Variants in DENND2A observed in about 807,000 individuals in gnomAD.
DENND2A encodes the protein DENN domain containing 2A, also known as DENN domain-containing protein 2A.
In DENND2A, 53 loss-of-function variants were observed where a neutral mutation model predicts 105.3. The observed-to-expected ratio is 0.50, with a 90% CI of 0.40 to 0.63. The LOEUF is 0.63. Ranked by LOEUF, DENND2A falls within the 30% of genes least tolerant of loss-of-function variation. The pLI, the probability that DENND2A is intolerant of heterozygous loss-of-function variation, is 0.00. For missense variants in DENND2A, 1,138 were observed against 1,279.6 expected, an observed-to-expected ratio of 0.89 and a Z score of 1.69; for synonymous variants, 522 against 508.4, an observed-to-expected ratio of 1.03 and a Z score of -0.36.
Position 140,518,435 on chromosome 7 carries a change from T to A in DENND2A, c.*272A>T. ...AAAACCCACACATTTTTCTTACTTT[T>A]AATATCTAAGATAAAAAAAAAAACC... On this transcript the variant is annotated 3_prime_UTR_variant, in exon 20 of 20. Coordinates refer to ENST00000496613, the MANE Select transcript of DENND2A (RefSeq NM_015689.5). 2.6e-6 allele frequency: 1 copy of A among 383,770 alleles called. No individual in the cohort carries two copies. The highest frequency in any genetic ancestry group is 4.6e-6 in the Non-Finnish European group (1 of 216,590). The allele number at this position is 383,770 out of a possible 1,614,324, so 23.8% of individuals were successfully genotyped here. A position where few individuals can be genotyped will look rare whatever the true frequency, so the allele number is the denominator to read the frequency against.
chr7:140,526,807 T>C (rs1796070890), intron 15 of DENND2A, among the ~76,000 whole-genome samples: 1 of 152,124 alleles, frequency 6.6e-6, no homozygotes, highest in Non-Finnish European at 1.5e-5. Context: ...CTCTGACTGC[T>C]GGAAGTCCCC....
chr7:140,603,688 A>G (rs1799598117), intron 2 of DENND2A, among the ~76,000 whole-genome samples: 1 of 152,234 alleles, frequency 6.6e-6, no homozygotes, highest in African/African-American at 2.4e-5. Context: ...AAAGAGGCAG[A>G]TTCAGATTTC....
At chr7:140,630,489 G>T (rs1340364093) in intron 1 of DENND2A, among the ~76,000 whole-genome samples, 1 of 152,088 alleles carries the variant, frequency 6.6e-6, no homozygotes, top group Non-Finnish European at 1.5e-5. Context: ...AAGCAGTGAA[G>T]AACTCTTCTT....
chr7:140,545,595 C>T (rs531795939), intron 13 of DENND2A, among the ~76,000 whole-genome samples: 33 of 152,336 alleles, frequency 2.2e-4, no homozygotes, highest in African/African-American at 7.0e-4. Context: ...AAGTGATCCA[C>T]CTGCCTCGGC....
intron 12 of DENND2A, among the ~76,000 whole-genome samples, chr7:140,552,504 C>T (rs28653484): frequency 0.012 from 1,766 of 151,564 alleles, 42 homozygotes; most frequent in African/African-American, 0.041. Context: ...AGCAATCCTC[C>T]CACCGCTCAG....
Position 140,527,232 on chromosome 7 carries a change from ACCGCT to A in DENND2A, c.2505+81_2505+85del. 1 of 1,396,188 alleles carries A rather than the reference ACCGCT, an allele frequency of 7.2e-7. No individual in the cohort carries two copies. Among genetic ancestry groups the A allele is most frequent in the Non-Finnish European group, 9.5e-7 (1 of 1,050,224 alleles). The allele number at this position is 1,396,188 out of a possible 1,614,324, so 86.5% of individuals were successfully genotyped here. On this transcript the variant is annotated intron_variant, in intron 15 of 19. Coordinates refer to ENST00000496613, the MANE Select transcript of DENND2A (RefSeq NM_015689.5). The surrounding 1 kb of genome is among the most constrained non-coding windows in gnomAD (Gnocchi z 4.9). Reference sequence around the variant, plus strand: ...CTCCCCAACACTGCTGGCTCTGAGAACCGCTCCATGATGCCTGCAGAGCCAGCGCC... The same window carrying A: ...CTCCCCAACACTGCTGGCTCTGAGAACCATGATGCCTGCAGAGCCAGCGCC...
chr7:140,597,576 T>C (rs1799330075), intron 3 of DENND2A, among the ~76,000 whole-genome samples: 1 of 152,172 alleles, frequency 6.6e-6, no homozygotes, highest in African/African-American at 2.4e-5. Flanking sequence ...AAATTTCATC[T>C]TTGGACTGAA....
chr7:140,534,693 G>A (rs980608699), intron 14 of DENND2A, among the ~76,000 whole-genome samples: 4 of 152,210 alleles, frequency 2.6e-5, no homozygotes, highest in African/African-American at 9.6e-5. Context: ...GGTCAAGAGG[G>A]CTTGCTGCAG....
intron 12 of DENND2A, among the ~76,000 whole-genome samples, chr7:140,549,676 G>A (rs2130538053): frequency 6.6e-6 from 1 of 152,164 alleles, no homozygotes; most frequent in East Asian, 1.9e-4. Context: ...AAATTAAAAA[G>A]ACAGTATGGC....
intron 1 of DENND2A, among the ~76,000 whole-genome samples, chr7:140,612,834 G>C (rs1799948115): frequency 6.6e-6 from 1 of 151,928 alleles, no homozygotes; most frequent in Non-Finnish European, 1.5e-5. Context: ...AAGGTTGAGG[G>C]CCGGGCGCAG....
At chr7:140,586,569 TAAAA>T in intron 4 of DENND2A, among the ~76,000 whole-genome samples, 1 of 151,296 alleles carries the variant, frequency 6.6e-6, no homozygotes, top group East Asian at 1.9e-4. Flanking sequence ...AAATAAAAAA[TAAAA>T]AAGAAAGAAA....
Position 140,587,682 on chromosome 7 carries a change from G to A in DENND2A, c.1094C>T (p.Ser365Leu), listed in dbSNP as rs747288299. ...QTKLGLTRTL[S>L]EENVYEDILD... is the part of the protein sequence containing the mutation. Reference sequence around the variant, plus strand: ...AATGTCTTCATAGACGTTCTCCTCCGATAAAGTGCGTGTCAGCCCCAGCTT... The same window carrying A: ...AATGTCTTCATAGACGTTCTCCTCCAATAAAGTGCGTGTCAGCCCCAGCTT... Residue 365 changes from serine to leucine, a missense_variant, in exon 4 of 20, where the codon TCG (serine) becomes TTG (leucine). Physicochemically the swap from Ser to Leu is moderately radical, Grantham distance 145. Around this residue, in one of 2 missense-constraint regions of DENND2A, gnomAD observed 511 missense variants for 499.9 expected, o/e 1.02. Coordinates refer to ENST00000496613, the MANE Select transcript of DENND2A (RefSeq NM_015689.5). 3 of 1,613,798 alleles carry A rather than the reference G, an allele frequency of 1.9e-6. No individual in the cohort carries two copies. The highest frequency in any genetic ancestry group is 1.1e-5 in the South Asian group (1 of 91,072).
chr7:140,523,564 A>T lies in DENND2A; in HGVS notation c.2548-140T>A. The T allele has an allele frequency of 1.4e-6, 1 of 691,558 alleles. No individual in the cohort carries two copies. Among genetic ancestry groups the T allele is most frequent in the Non-Finnish European group, 2.4e-6 (1 of 413,084 alleles). 42.8% of individuals were successfully genotyped at this position (691,558 alleles called of 1,614,324 possible). A position where few individuals can be genotyped will look rare whatever the true frequency, so the allele number is the denominator to read the frequency against. On this transcript the variant is annotated intron_variant, in intron 16 of 19. Coordinates refer to ENST00000496613, the MANE Select transcript of DENND2A (RefSeq NM_015689.5). This position sits in a 1 kb window ranked among gnomAD's most constrained non-coding sequence, Gnocchi z 4.5. ...AATACAACTGAAAGCCAGAGGTCTGAGGTTTCAATCTTGAGCCTACTTTTT... is the reference window on the plus strand; with the variant it reads ...AATACAACTGAAAGCCAGAGGTCTGTGGTTTCAATCTTGAGCCTACTTTTT...
intron 16 of DENND2A, among the ~76,000 whole-genome samples, chr7:140,524,955 G>A (rs1288327522): frequency 7.0e-6 from 1 of 142,392 alleles, no homozygotes; most frequent in Non-Finnish European, 1.5e-5. Flanking sequence ...GCGTGATCTC[G>A]GCTCATTGCA....
At chr7:140,623,419 C>T (rs187395396) in intron 1 of DENND2A, among the ~76,000 whole-genome samples, 258 of 151,282 alleles carry the variant, frequency 1.7e-3, no homozygotes, top group African/African-American at 6.0e-3. Context: ...GAGACCTAAC[C>T]TTTCTGAGGA....
chr7:140,542,105 C>T (rs981779860), intron 14 of DENND2A, among the ~76,000 whole-genome samples: 2 of 152,106 alleles, frequency 1.3e-5, no homozygotes, highest in Non-Finnish European at 1.5e-5. Context: ...CAGGTGGCCT[C>T]ATCTGCACCA....
chr7:140,574,051 G>A, intron 5 of DENND2A, 43 bp from the exon 6 acceptor site: 1 of 1,607,670 alleles, frequency 6.2e-7, no homozygotes, highest in Non-Finnish European at 8.5e-7. Flanking sequence ...GAATTCAAAG[G>A]AGACTGACCG....
At chr7:140,535,478 C>T (rs1229181745) in intron 14 of DENND2A, among the ~76,000 whole-genome samples, 1 of 152,118 alleles carries the variant, frequency 6.6e-6, no homozygotes, top group Non-Finnish European at 1.5e-5. Flanking sequence ...CAGGTAAAGC[C>T]CTGAACTGCT....
chr7:140,568,662 C>T, intron 8 of DENND2A, 101 bp downstream of exon 8: 2 of 1,268,440 alleles, frequency 1.6e-6, no homozygotes, highest in African/African-American at 1.5e-5. Flanking sequence ...GCCAAGCAAG[C>T]TCCGGCAGGA....
Sources: gnomAD v4.1 joint callset for allele counts (sites outside exome capture counted in the v4.1 genomes callset) on GRCh38, gnomAD v4.1.1 for gene constraint, gnomAD v4.1.1 regional missense constraint, Gnocchi (gnomAD v3.1) non-coding constraint, MANE v1.5 for transcripts, NCBI Gene and HGNC (gene_info 2026-07-23, HGNC 2026-07-21) for gene names.